SHANK2: variants seen among roughly 807,000 people sequenced by gnomAD.
The protein encoded by SHANK2 is SH3 and multiple ankyrin repeat domains protein 2.
SHANK2 carries 43 observed loss-of-function variants against 133.7 expected under a neutral mutation model. The ratio of observed to expected loss-of-function variants is 0.32; its 90% CI spans 0.25 to 0.41. The LOEUF (loss-of-function observed/expected upper bound fraction) is 0.41. Ranked by LOEUF, SHANK2 falls within the 10% of genes least tolerant of loss-of-function variation. The pLI, the probability that SHANK2 is intolerant of heterozygous loss-of-function variation, is 1.00. For missense variants in SHANK2, 1,994 were observed against 2,235.8 expected (o/e 0.89, Z 2.18); for synonymous variants, 1,017 against 952.8 (o/e 1.07, Z -1.24).
intron 5 of SHANK2, among the ~76,000 whole-genome samples, chr11:71,110,299 G>A (rs1472528094): frequency 3.3e-5 from 5 of 152,134 alleles, no homozygotes; most frequent in Admixed American, 6.5e-5. Context: ...TTAGTCAGGC[G>A]TGGTGGCGGG....
rs1555149414 is a variant in SHANK2, at chr11:70,473,719, C to T, written c.4980-280G>A. 3 of 517,368 alleles carry T rather than the reference C, an allele frequency of 5.8e-6. No individual in the cohort carries two copies. The highest frequency in any genetic ancestry group is 7.2e-6 in the Non-Finnish European group (2 of 279,292). 32.0% of individuals were successfully genotyped at this position (517,368 alleles called of 1,614,324 possible). The stretch of plus-strand genomic sequence containing the variant: ...CCTGCCTGTGCTGGGGGGAGCACAC[C>T]ACGTCAGCCCACTCACCTGAACTGG... On this transcript the variant is annotated intron_variant, in intron 25 of 25. Coordinates refer to ENST00000601538, the MANE Select transcript of SHANK2 (RefSeq NM_012309.5). The surrounding 1 kb of genome is among the most constrained non-coding windows in gnomAD (Gnocchi z 5.9).
chr11:70,584,022 C>T lies in SHANK2; in HGVS notation c.2061+75806G>A, dbSNP rs61885910. ...CCACCGTGCATGACTCTGCAGCCAC[C>T]GCGAGCATGCTCCTCAAGGTCTCAT... On this transcript the variant is annotated intron_variant, in intron 17 of 25. Coordinates refer to ENST00000601538, the MANE Select transcript of SHANK2 (RefSeq NM_012309.5). 3.7e-4 allele frequency among the ~76,000 whole-genome samples: 57 copies of T among 152,268 alleles called. 2 individuals carry two copies. Among genetic ancestry groups the T allele is most frequent in the Non-Finnish European group, 1.0e-4 (7 of 68,028 alleles).
intron 17 of SHANK2, among the ~76,000 whole-genome samples, chr11:70,637,130 T>C (rs1555004559): frequency 6.6e-6 from 1 of 152,094 alleles, no homozygotes. Flanking sequence ...TGTGGGTGCC[T>C]GTGTGTGCAT....
At chr11:71,183,201 C>T (rs1488547210) in intron 2 of SHANK2, among the ~76,000 whole-genome samples, 2 of 152,168 alleles carry the variant, frequency 1.3e-5, no homozygotes, top group African/African-American at 4.8e-5. Context: ...TGAGAACCCT[C>T]CCTGGATCAG....
intron 14 of SHANK2, among the ~76,000 whole-genome samples, chr11:70,748,203 G>A (rs782744425): frequency 6.6e-6 from 1 of 152,182 alleles, no homozygotes. Context: ...GGAATTCTGA[G>A]CTGCTCCCAG....
At chr11:70,573,557 G>GT (rs71049922) in intron 17 of SHANK2, among the ~76,000 whole-genome samples, 83,439 of 132,120 alleles carry the variant, frequency 0.63, 26,849 homozygotes, top group South Asian at 0.79. Flanking sequence ...GGCGGGGGGG[G>GT]GGTGGGGCAT....
chr11:70,636,077 C>T (rs1350972418), intron 17 of SHANK2, among the ~76,000 whole-genome samples: 3 of 152,270 alleles, frequency 2.0e-5, no homozygotes, highest in Admixed American at 1.3e-4. Flanking sequence ...CTCTTCAGGT[C>T]TCAGCCTAAA....
At position 70,754,993 on chromosome 11, in the gene SHANK2, C is replaced by A. The variant is rs148992523; in HGVS notation, c.1777+43450G>T. On this transcript the variant is annotated intron_variant, in intron 14 of 25. Coordinates refer to ENST00000601538, the MANE Select transcript of SHANK2 (RefSeq NM_012309.5). Reference sequence around the variant, plus strand: ...GCTATGATTACAAAATAATAAGTAACGATACTAGTAAAAGCAAGATCCCAG... The same window carrying A: ...GCTATGATTACAAAATAATAAGTAAAGATACTAGTAAAAGCAAGATCCCAG... Among the ~76,000 whole-genome samples the A allele has an allele frequency of 3.9e-3, 590 of 152,090 alleles. 6 individuals carry two copies. Among genetic ancestry groups the A allele is most frequent in the African/African-American group, 0.014 (561 of 41,470 alleles).
At chr11:70,952,447 T>G (rs1950858319) in intron 10 of SHANK2, among the ~76,000 whole-genome samples, 1 of 152,194 alleles carries the variant, frequency 6.6e-6, no homozygotes, top group Non-Finnish European at 1.5e-5. Flanking sequence ...TCCCTCCTCT[T>G]TTAAAGTGGA....
At chr11:70,662,931 C>T (rs550537365) in intron 15 of SHANK2, among the ~76,000 whole-genome samples, 11 of 152,118 alleles carry the variant, frequency 7.2e-5, no homozygotes, top group African/African-American at 2.2e-4. Context: ...GGCACCCCCC[C>T]GCCCCGTAGG....
At chr11:70,657,930 T>C (rs1392193455) in intron 17 of SHANK2, among the ~76,000 whole-genome samples, 2 of 152,120 alleles carry the variant, frequency 1.3e-5, no homozygotes, top group East Asian at 1.9e-4. Flanking sequence ...CTACATCTTC[T>C]AACCCACTGA....
intron 3 of SHANK2, among the ~76,000 whole-genome samples, chr11:71,133,029 T>C (rs1952349037): frequency 6.6e-6 from 1 of 151,822 alleles, no homozygotes; most frequent in Non-Finnish European, 1.5e-5. Context: ...CCCCAAGAGG[T>C]AATCCAAATG....
intron 6 of SHANK2, among the ~76,000 whole-genome samples, chr11:71,107,700 G>A (rs1951821932): frequency 6.6e-6 from 1 of 152,202 alleles, no homozygotes; most frequent in Non-Finnish European, 1.5e-5. Context: ...GCAGGACCCA[G>A]AGAAATCGCT....
intron 3 of SHANK2, among the ~76,000 whole-genome samples, chr11:71,123,778 C>T (rs1304111636): frequency 6.6e-6 from 1 of 152,158 alleles, no homozygotes; most frequent in African/African-American, 2.4e-5. Context: ...ATGGCAAAGA[C>T]AACAGTGTAT....
chr11:71,177,647 G>T (rs1457757732), intron 2 of SHANK2, among the ~76,000 whole-genome samples: 10 of 152,092 alleles, frequency 6.6e-5, no homozygotes, highest in African/African-American at 1.9e-4. Context: ...ATAGTAAGAT[G>T]ACAGATTTAA....
intron 17 of SHANK2, among the ~76,000 whole-genome samples, chr11:70,643,499 G>C (rs889680994): frequency 1.3e-5 from 2 of 151,078 alleles, no homozygotes; most frequent in African/African-American, 2.4e-5. Context: ...AGGAGGCGGA[G>C]CTTGCAGTGA....
At chr11:70,755,286 G>T (rs1372530852) in intron 14 of SHANK2, among the ~76,000 whole-genome samples, 1 of 152,164 alleles carries the variant, frequency 6.6e-6, no homozygotes, top group Non-Finnish European at 1.5e-5. Flanking sequence ...TGGCCAGGCT[G>T]GTCTCGAACT....
At chr11:70,713,009 G>A (rs1945826641) in intron 14 of SHANK2, among the ~76,000 whole-genome samples, 2 of 152,370 alleles carry the variant, frequency 1.3e-5, no homozygotes, top group East Asian at 1.9e-4. Flanking sequence ...CGTGTCACAC[G>A]CCTGGGTAAG....
chr11:70,587,006 G>T (rs2060263259), intron 17 of SHANK2, among the ~76,000 whole-genome samples: 1 of 152,148 alleles, frequency 6.6e-6, no homozygotes, highest in Non-Finnish European at 1.5e-5. Context: ...TGCACCGCTG[G>T]GCACATGCAG....
Sources: allele counts gnomAD v4.1 joint callset (sites outside exome capture counted in the v4.1 genomes callset), GRCh38; gene constraint gnomAD v4.1.1; non-coding constraint Gnocchi (gnomAD v3.1); transcripts MANE v1.5; gene names NCBI Gene and HGNC (gene_info 2026-07-23, HGNC 2026-07-21).